Variants in HPSE2 observed in about 807,000 individuals in gnomAD.
HPSE2 encodes inactive heparanase-2.
Under a neutral mutation model 60.5 loss-of-function variants are expected in HPSE2, and 38 were observed. The ratio of observed to expected loss-of-function variants is 0.63; its 90% CI spans 0.48 to 0.82. The LOEUF (loss-of-function observed/expected upper bound fraction) is 0.82, where lower values mean the gene tolerates loss of function less well. Ranked by LOEUF, HPSE2 falls within the 40% of genes least tolerant of loss-of-function variation. HPSE2 has a pLI of 0.00. For synonymous variants in HPSE2, 295 were observed against 293.2 expected (o/e 1.01, Z -0.06); for missense variants, 713 against 740.4 (o/e 0.96, Z 0.43).
At chr10:99,156,450 A>G (rs368539395) in intron 2 of HPSE2, among the ~76,000 whole-genome samples, 7 of 137,484 alleles carry the variant, frequency 5.1e-5, no homozygotes, top group Admixed American at 7.6e-5. Context: ...TTCAATATAC[A>G]CAAATCAATA....
intron 3 of HPSE2, among the ~76,000 whole-genome samples, chr10:99,083,992 T>TTA (rs1463878629): frequency 2.5e-5 from 3 of 122,154 alleles, no homozygotes; most frequent in African/African-American, 8.2e-5. Flanking sequence ...TTTTTTTTTT[T>TTA]AAGTAACTGC....
intron 3 of HPSE2, among the ~76,000 whole-genome samples, chr10:98,839,885 A>G (rs1036071533): frequency 3.3e-5 from 5 of 152,230 alleles, no homozygotes; most frequent in Admixed American, 3.3e-4. Flanking sequence ...AAAAATTTCC[A>G]AGAGTGGCAT....
chr10:98,763,343 C>CTCAGTGACT (rs1368647753), intron 3 of HPSE2, among the ~76,000 whole-genome samples: 2 of 151,926 alleles, frequency 1.3e-5, no homozygotes, highest in Non-Finnish European at 2.9e-5. Flanking sequence ...AATCAAGATT[C>CTCAGTGACT]TCAGTGACTC....
the HPSE2 span, among the ~76,000 whole-genome samples, chr10:99,313,500 C>T: frequency 6.6e-6 from 1 of 150,838 alleles, no homozygotes; most frequent in Non-Finnish European, 1.5e-5. Context: ...GGTAAAGATG[C>T]TGTGAATATT....
intron 3 of HPSE2, among the ~76,000 whole-genome samples, chr10:99,004,475 A>G (rs1956848512): frequency 6.6e-6 from 1 of 152,116 alleles, no homozygotes; most frequent in African/African-American, 2.4e-5. Flanking sequence ...AAAACCTTAT[A>G]GTTGTAACAG....
chr10:98,746,020 A>G (rs990981041), intron 3 of HPSE2, among the ~76,000 whole-genome samples: 3 of 152,150 alleles, frequency 2.0e-5, no homozygotes, highest in African/African-American at 7.2e-5. Context: ...TCTTACATAT[A>G]TAAGAAAGTA....
At chr10:98,520,763 C>T (rs1564936328) in intron 9 of HPSE2, among the ~76,000 whole-genome samples, 1 of 152,062 alleles carries the variant, frequency 6.6e-6, no homozygotes, top group African/African-American at 2.4e-5. Flanking sequence ...AAGAATCAAG[C>T]TGGGATGGTA....
chr10:99,305,961 ACG>A, the HPSE2 span, among the ~76,000 whole-genome samples: 95 of 103,028 alleles, frequency 9.2e-4, no homozygotes, highest in African/African-American at 3.7e-3. Context: ...ACTCACACAC[ACG>A]CGCGCGCGCG....
chr10:99,219,690 A>G (rs182175394), intron 2 of HPSE2, among the ~76,000 whole-genome samples: 225 of 152,346 alleles, frequency 1.5e-3, no homozygotes, highest in African/African-American at 5.1e-3. Context: ...CTCAGTTATA[A>G]AATGGAGATG....
chr10:98,547,703 C>T (rs1399854836), intron 9 of HPSE2, among the ~76,000 whole-genome samples: 2 of 149,812 alleles, frequency 1.3e-5, no homozygotes, highest in Admixed American at 6.6e-5. Context: ...ATACCTAATG[C>T]TAAATGACGA....
intron 3 of HPSE2, among the ~76,000 whole-genome samples, chr10:98,962,933 A>C (rs1361153836): frequency 6.6e-6 from 1 of 152,220 alleles, no homozygotes; most frequent in Non-Finnish European, 1.5e-5. Context: ...TTCCCTAAAT[A>C]GAAGTCAGAG....
rs193154086 is a variant in HPSE2 at position 98,693,437 on chromosome 10, A to T, written c.1004+463T>A. 2.0e-5 allele frequency among the ~76,000 whole-genome samples: 3 copies of T among 152,286 alleles called. No individual in the cohort carries two copies. The East Asian group carries it at 5.8e-4, about 29-fold the overall frequency. The stretch of plus-strand genomic sequence containing the variant: ...CATCTTGATACTCTTTTTTTAAAAA[A>T]AAGCTGCTTCATTTTAGAGACTCAC... On this transcript the variant is annotated intron_variant, in intron 6 of 11. Transcript: ENST00000370552.
At chr10:99,074,417 G>T (rs12572702) in intron 3 of HPSE2, among the ~76,000 whole-genome samples, 2,418 of 152,090 alleles carry the variant, frequency 0.016, 88 homozygotes, top group East Asian at 0.14. Flanking sequence ...ATCTAATCAT[G>T]GTGTATTTTC....
rs558052240 is a variant in HPSE2, at chr10:98,838,069, C to A, written c.611-94013G>T. The stretch of plus-strand genomic sequence containing the variant: ...TGACATATTTCAGACAAATTTCTAT[C>A]AAATGCATTTGAAACTGCCCCTAAC... On this transcript the variant is annotated intron_variant, in intron 3 of 11. Coordinates refer to ENST00000370552, the MANE Select transcript of HPSE2 (RefSeq NM_021828.5). Among the ~76,000 whole-genome samples, 128 of 152,244 alleles carry A rather than the reference C, an allele frequency of 8.4e-4. 1 individual carries two copies. The highest frequency in any genetic ancestry group is 3.0e-3 in the African/African-American group (126 of 41,556).
intron 3 of HPSE2, among the ~76,000 whole-genome samples, chr10:98,901,386 C>T (rs566092633): frequency 2.8e-4 from 43 of 152,094 alleles, no homozygotes; most frequent in Non-Finnish European, 5.0e-4. Context: ...ACAAAGTGTC[C>T]TCCAAGTGAT....
intron 3 of HPSE2, among the ~76,000 whole-genome samples, chr10:98,818,162 C>A (rs1951335698): frequency 6.6e-6 from 1 of 152,180 alleles, no homozygotes; most frequent in Non-Finnish European, 1.5e-5. Flanking sequence ...CAATGTTTAG[C>A]TGTACATGTA....
intron 3 of HPSE2, among the ~76,000 whole-genome samples, chr10:99,020,406 C>T (rs1306336138): frequency 6.6e-6 from 1 of 152,104 alleles, no homozygotes; most frequent in African/African-American, 2.4e-5. Context: ...CATCATAAGT[C>T]TGTTATGGAA....
intron 3 of HPSE2, among the ~76,000 whole-genome samples, chr10:98,811,426 T>C (rs1376969168): frequency 6.6e-6 from 1 of 152,120 alleles, no homozygotes; most frequent in Admixed American, 6.6e-5. Context: ...ACAGAGTAGG[T>C]GCTCAATAAA....
intron 2 of HPSE2, among the ~76,000 whole-genome samples, chr10:99,160,370 G>C (rs1042754786): frequency 6.6e-5 from 10 of 152,034 alleles, no homozygotes; most frequent in Non-Finnish European, 7.4e-5. Flanking sequence ...AAACCACAAT[G>C]AGATACTACT....
Sources: gnomAD v4.1 joint callset for allele counts (sites outside exome capture counted in the v4.1 genomes callset) on GRCh38, gnomAD v4.1.1 for gene constraint, MANE v1.5 for transcripts, NCBI Gene and HGNC (gene_info 2026-07-23, HGNC 2026-07-21) for gene names.